The following PLXNA3 variants were observed in gnomAD, a reference collection of about 807,000 sequenced individuals.
PLXNA3 encodes plexin A3, also known as plexin-A3.
A neutral mutation model predicts 118.8 loss-of-function variants in PLXNA3; 52 were observed. That is an observed-to-expected ratio of 0.44 (90% CI 0.35 to 0.55). The LOEUF is 0.55. Ranked by LOEUF, PLXNA3 falls within the 20% of genes least tolerant of loss-of-function variation. The probability of loss-of-function intolerance (pLI) is 0.01; values close to 1 mark genes in which losing one functional copy is unlikely to be tolerated. For synonymous variants in PLXNA3, 925 were observed against 762.4 expected, an observed-to-expected ratio of 1.21 and a Z score of -3.51; for missense variants, 1,660 against 1,730.8, an observed-to-expected ratio of 0.96 and a Z score of 0.73.
Position 154,468,166 on chromosome X carries a change from A to C in PLXNA3, c.3905A>C (p.Tyr1302Ser). 8.4e-7 allele frequency: 1 copy of C among 1,189,016 alleles called. No individual in the cohort carries two copies. Among genetic ancestry groups the C allele is most frequent in the Non-Finnish European group, 1.1e-6 (1 of 883,144 alleles). Residue 1302 changes from tyrosine (Y) to serine (S), a missense_variant, in exon 22 of 33, where the codon TAC becomes TCC. Tyr to Ser is a moderately radical substitution (Grantham distance 144, BLOSUM62 -2). Around this residue, in one of 2 missense-constraint regions of PLXNA3, gnomAD observed 869 missense variants for 1,078.7 expected, o/e 0.81. Transcript: ENST00000369682. ...VQIPFLDYRT[Y>S]AVRVLFPGIE... ...ATCCCCTTCCTGGACTACCGGACTT[A>C]CGCCGTGCGCGTGCTCTTCCCGGGC...
At position 154,472,708 on chromosome X, in the gene PLXNA3, G is replaced by A. The variant is rs782724863; in HGVS notation, c.*23G>A. 1.3e-5 allele frequency: 14 copies of A among 1,062,778 alleles called. No individual in the cohort carries two copies. Among genetic ancestry groups the A allele is most frequent in the Non-Finnish European group, 1.7e-5 (13 of 760,970 alleles). 87.6% of individuals were successfully genotyped at this position (1,062,778 alleles called of 1,213,427 possible). A position where few individuals can be genotyped will look rare whatever the true frequency, so the allele number is the denominator to read the frequency against. On this transcript the variant is annotated 3_prime_UTR_variant, in exon 33 of 33. Coordinates refer to ENST00000369682, the MANE Select transcript of PLXNA3 (RefSeq NM_017514.5). ...TAAGGTGGTGGAATCGGTGAGGAGGGGGCTTCTCAGTCCTGTGCCGTCCTC... is the reference window on the plus strand; with the variant it reads ...TAAGGTGGTGGAATCGGTGAGGAGGAGGCTTCTCAGTCCTGTGCCGTCCTC...
chrX:154,462,388 G>C, intron 4 of PLXNA3, 78 bp downstream of exon 4: 2 of 790,257 alleles, frequency 2.5e-6, no homozygotes, highest in East Asian at 3.8e-5. Flanking sequence ...ACACACGGGA[G>C]AGCTCTGAGG....
In PLXNA3 at chrX:154,463,535, G is replaced by A. The variant is rs1431348578; in HGVS notation, c.1446+16G>A. 2.5e-6 allele frequency: 3 copies of A among 1,187,457 alleles called. No individual in the cohort carries two copies. Among genetic ancestry groups the A allele is most frequent in the Non-Finnish European group, 1.1e-6 (1 of 883,668 alleles). Reference sequence around the variant, plus strand: ...TGAGAAGCAGGTGGGCCTGTGGTGGGTGGCGGTGGGTGGTGGGGCGGGGGT... The same window carrying A: ...TGAGAAGCAGGTGGGCCTGTGGTGGATGGCGGTGGGTGGTGGGGCGGGGGT... On this transcript the variant is annotated intron_variant, in intron 5 of 32. Transcript: ENST00000369682.
In PLXNA3 at chrX:154,471,302, A is replaced by G; in HGVS notation, c.5354A>G (p.Lys1785Arg). ...TACGCCAAGGACATCCCCAACTACA[A>G]GAGCTGGGTGGAGAGGTGGGCTCCG... ...LLYAKDIPNY[K>R]SWVERYYRDI... Residue 1785 changes from lysine to arginine, a missense_variant, in exon 31 of 33, where the codon AAG (lysine) becomes AGG (arginine). This residue lies in a region of PLXNA3 where 869 missense variants were observed against 1,078.7 expected (regional missense o/e 0.81). Transcript: ENST00000369682. 1 of 1,209,261 alleles carries G rather than the reference A, an allele frequency of 8.3e-7. No homozygotes were observed. The highest frequency in any genetic ancestry group is 1.1e-6 in the Non-Finnish European group (1 of 893,674).
chrX:154,468,615 G>A (rs1557208307), intron 23 of PLXNA3, 48 bp from the exon 24 acceptor site: 1 of 1,209,282 alleles, frequency 8.3e-7, no homozygotes, highest in East Asian at 3.0e-5. Context: ...CCTGCCCCCT[G>A]TCCAAGCCCC....
rs1557204615 is a variant in PLXNA3, at chrX:154,461,639, G to A, written c.1134+1G>A. On this transcript the variant is annotated splice_donor_variant, in intron 3 of 32. Transcript: ENST00000369682. LOFTEE classifies it high-confidence loss of function. Reference sequence around the variant, plus strand: ...CAAGGAGCTGCCCTGCATCAACACCGTGAGCCCCTCATCACCCCACACTGG... The same window carrying A: ...CAAGGAGCTGCCCTGCATCAACACCATGAGCCCCTCATCACCCCACACTGG... 1.0e-5 allele frequency: 12 copies of A among 1,182,400 alleles called. No homozygotes were observed. The highest frequency in any genetic ancestry group is 1.9e-5 in the South Asian group (1 of 54,046).
In PLXNA3 at chrX:154,460,720, C is replaced by T. The variant is rs945853872; in HGVS notation, c.537C>T (p.Pro179=). ...TCGACGGCAAGTCGGAGTACTTCCC[C>T]ACCTTGAGCTCCCGCAAGCTCATCA... ...TAVDGKSEYF[P]TLSSRKLISD... is the part of the protein sequence containing the mutation. The change falls in exon 2 of 33, where the codon CCC becomes CCT. Residue 179 remains proline (P), a synonymous_variant. Transcript: ENST00000369682. 1 of 1,137,674 alleles carries T rather than the reference C, an allele frequency of 8.8e-7. No individual in the cohort carries two copies. The highest frequency in any genetic ancestry group is 1.2e-6 in the Non-Finnish European group (1 of 864,458). 93.8% of individuals were successfully genotyped at this position (1,137,674 alleles called of 1,213,427 possible).
chrX:154,468,791 G>A (rs1194976159), intron 24 of PLXNA3, 32 bp from the exon 25 acceptor site: 3 of 1,211,337 alleles, frequency 2.5e-6, no homozygotes, highest in Non-Finnish European at 1.1e-6. Flanking sequence ...GGTCAGGCAG[G>A]CAGCCAGCTG....
Position 154,466,249 on chromosome X carries a change from G to A in PLXNA3, c.2778G>A (p.Ser926=), listed in dbSNP as rs782486790. The change falls in exon 15 of 33, where the codon TCG becomes TCA. Residue 926 remains serine (S), a synonymous_variant. Transcript: ENST00000369682. ...GTTCAGCCGACTTCCGCACGCAGTC[G>A]GAGCAGGTCTACAGCTTTGTGGTGC... ...GDCSADFRTQ[S]EQVYSFVTPT... 13 of 1,208,001 alleles carry A rather than the reference G, an allele frequency of 1.1e-5. No homozygotes were observed. Among genetic ancestry groups the A allele is most frequent in the African/African-American group, 1.7e-5 (1 of 57,415 alleles).
rs2069201308 is a variant in PLXNA3 at position 154,472,753 on chromosome X, G to T, written c.*68G>T. ...GTCCTCCCATCCAGGGGAGTGGCTG[G>T]CTCAAGCCTGGGTCCCCGGGCTGAG... On this transcript the variant is annotated 3_prime_UTR_variant, in exon 33 of 33. Transcript: ENST00000369682. The T allele has an allele frequency of 1.4e-5, 12 of 846,246 alleles. No homozygotes were observed. In the East Asian group the frequency reaches 3.8e-4, roughly 27 times the overall value. The allele number at this position is 846,246 out of a possible 1,213,427, so 69.7% of individuals were successfully genotyped here.
In PLXNA3 at chrX:154,467,445, A is replaced by C. The variant is rs140776875; in HGVS notation, c.3415A>C (p.Lys1139Gln). The C allele has an allele frequency of 4.8e-5, 58 of 1,196,086 alleles. No homozygotes were observed. The African/African-American group carries it at 9.4e-4, about 19-fold the overall frequency. Residue 1139 changes from lysine (K) to glutamine (Q), a missense_variant, in exon 19 of 33, where the codon AAA becomes CAA. Physicochemically the swap from Lys to Gln is moderately conservative, Grantham distance 53. Around this residue, in one of 2 missense-constraint regions of PLXNA3, gnomAD observed 869 missense variants for 1,078.7 expected, o/e 0.81. Coordinates refer to ENST00000369682, the MANE Select transcript of PLXNA3 (RefSeq NM_017514.5). ...GGGGCCCTCTGGCGTGCTGGACGTC[A>C]AACCGGGCTCCCACGTGGTGCTGAA... ...PLGPSGVLDV[K>Q]PGSHVVLKGK...
chrX:154,462,554 G>C (rs953331128), intron 4 of PLXNA3, among the ~76,000 whole-genome samples: 3 of 112,254 alleles, frequency 2.7e-5, no homozygotes, highest in African/African-American at 6.5e-5. Context: ...TATGGCTCTG[G>C]GGACAGAGAA....
intron 9 of PLXNA3, 111 bp downstream of exon 9, chrX:154,464,612 C>G: frequency 1.4e-6 from 1 of 690,039 alleles, no homozygotes; most frequent in Non-Finnish European, 2.2e-6. Context: ...AACTGTCAGG[C>G]CCTGATAGCC....
chrX:154,463,779 C>A, intron 6 of PLXNA3, 89 bp downstream of exon 6: 1 of 973,627 alleles, frequency 1.0e-6, no homozygotes, highest in Non-Finnish European at 1.4e-6. Context: ...TGCGGCCTCC[C>A]CCCGCCCTCC....
Position 154,467,308 on chromosome X carries a change from C to T in PLXNA3, c.3278C>T (p.Ala1093Val), listed in dbSNP as rs782660174. 28 of 1,206,514 alleles carry T rather than the reference C, an allele frequency of 2.3e-5. No homozygotes were observed. Among genetic ancestry groups the T allele is most frequent in the African/African-American group, 1.4e-4 (8 of 57,502 alleles). ...GIFLGRPQPR[A>V]QGEHPDEFGF... ...TTTCTTGGGCGGCCCCAGCCTCGGG[C>T]GCAAGGCGAGCACCCTGATGAGTTT... The change falls in exon 19 of 33, where the codon GCG (alanine) becomes GTG (valine). Residue 1093 changes from alanine to valine, a missense_variant. Physicochemically the swap from Ala to Val is moderately conservative, Grantham distance 64. This residue lies in a region of PLXNA3 where 869 missense variants were observed against 1,078.7 expected (regional missense o/e 0.81). Transcript: ENST00000369682.
In PLXNA3 at chrX:154,464,822, G is replaced by A. The variant is rs143007606; in HGVS notation, c.1997G>A (p.Arg666His). 22 of 1,205,549 alleles carry A rather than the reference G, an allele frequency of 1.8e-5. No individual in the cohort carries two copies. Among genetic ancestry groups the A allele is most frequent in the Admixed American group, 6.6e-5 (3 of 45,656 alleles). ...AAGTACCGCCACACGTGTACCAGCC[G>A]CCCCCACGAGTGCTCCTTCCAGGAG... Reference protein sequence around the residue: ...WCKYRHTCTSRPHECSFQEGR... With the variant: ...WCKYRHTCTSHPHECSFQEGR... The change falls in exon 10 of 33, where the codon CGC (arginine) becomes CAC (histidine). Residue 666 changes from arginine (R) to histidine (H), a missense_variant. Transcript: ENST00000369682.
At chrX:154,462,082 C>A in intron 3 of PLXNA3, 46 bp from the exon 4 acceptor site, 3 of 1,083,023 alleles carry the variant, frequency 2.8e-6, no homozygotes, top group Non-Finnish European at 2.5e-6. Context: ...CTCCATCTTG[C>A]GCCTGGGAGC....
intron 28 of PLXNA3, 45 bp downstream of exon 28, chrX:154,469,829 C>T (rs2069155753): frequency 8.7e-7 from 1 of 1,145,527 alleles, no homozygotes; most frequent in Non-Finnish European, 1.2e-6. Context: ...CGAGGGAACC[C>T]CCACTTCCAA....
Position 154,465,477 on chromosome X carries a change from C to T in PLXNA3, c.2298C>T (p.Val766=), listed in dbSNP as rs1174915475. Residue 766 remains valine (V), a synonymous_variant, in exon 12 of 33, where the codon GTC becomes GTT. Transcript: ENST00000369682. ...HGDTELDFSV[V]WDGDFPIDKP... ...ACACCGAGCTGGACTTTTCCGTGGT[C>T]TGGGATGGAGACTTCCCCATAGACA... 26 of 1,207,709 alleles carry T rather than the reference C, an allele frequency of 2.2e-5. No homozygotes were observed. The highest frequency in any genetic ancestry group is 2.9e-5 in the Non-Finnish European group (26 of 893,034).
Sources: allele counts gnomAD v4.1 joint callset (sites outside exome capture counted in the v4.1 genomes callset), GRCh38; gene constraint gnomAD v4.1.1; regional missense constraint gnomAD v4.1.1; transcripts MANE v1.5; gene names NCBI Gene and HGNC (gene_info 2026-07-23, HGNC 2026-07-21).